Variants in ESR2 observed in about 807,000 individuals in gnomAD.
ESR2 encodes estrogen receptor beta.
ESR2 carries 36 observed loss-of-function variants against 49.6 expected under a neutral mutation model. That is an observed-to-expected ratio of 0.73 (90% CI 0.56 to 0.96). The LOEUF (loss-of-function observed/expected upper bound fraction) is 0.96. Ranked by LOEUF, ESR2 falls within the 40% of genes least tolerant of loss-of-function variation. The probability of loss-of-function intolerance (pLI) is 0.00; values close to 1 mark genes in which losing one functional copy is unlikely to be tolerated. For missense variants in ESR2, 714 were observed against 693.0 expected, an observed-to-expected ratio of 1.03 and a Z score of -0.34; for synonymous variants, 320 against 266.1, an observed-to-expected ratio of 1.20 and a Z score of -1.97.
At chr14:64,273,999 G>C (rs2076503587) in intron 3 of ESR2, among the ~76,000 whole-genome samples, 1 of 150,372 alleles carries the variant, frequency 6.7e-6, no homozygotes, top group East Asian at 1.9e-4. Context: ...GAATGCAGTG[G>C]TGCAATCTTG....
At chr14:64,317,640 A>G (rs1042069483) in intron 1 of ESR2, among the ~76,000 whole-genome samples, 1 of 152,352 alleles carries the variant, frequency 6.6e-6, no homozygotes, top group Admixed American at 6.5e-5. Context: ...TTTCACCATG[A>G]GAATTGGGTA....
chr14:64,227,975 A>ATCTATCCAAATAATCGATGCACTGGATAC, downstream of ESR2: 5 of 1,579,612 alleles, frequency 3.2e-6, no homozygotes, highest in South Asian at 5.8e-5. Context: ...ATTACAGAAA[A>ATCTATCCAAATAATCGATGCACTGGATAC]TCTATCCAAA....
At chr14:64,318,087 T>C (rs2077279384) in intron 1 of ESR2, among the ~76,000 whole-genome samples, 1 of 152,192 alleles carries the variant, frequency 6.6e-6, no homozygotes, top group African/African-American at 2.4e-5. Context: ...CATGATTCTC[T>C]ATGTAGAGAA....
rs2098725334 is a variant in ESR2, at chr14:64,229,586, C to G, written c.*3551G>C. On this transcript the variant is annotated 3_prime_UTR_variant, in exon 9 of 9. Transcript: ENST00000341099. ...CATGTCAGGTTGCACCTGATAGATT[C>G]TGCAGTTTTAAAATATTTTTCTTTA... Among the ~76,000 whole-genome samples the G allele has an allele frequency of 6.6e-6, 1 of 152,146 alleles. No individual in the cohort carries two copies. Among genetic ancestry groups the G allele is most frequent in the Non-Finnish European group, 1.5e-5 (1 of 68,024 alleles).
chr14:64,285,201 C>T (rs1013471999), intron 1 of ESR2, among the ~76,000 whole-genome samples: 1 of 152,134 alleles, frequency 6.6e-6, no homozygotes, highest in East Asian at 1.9e-4. Flanking sequence ...TACTGCTCCT[C>T]GTCCCCAGTT....
At chr14:64,306,543 G>T (rs1472784779) in intron 1 of ESR2, among the ~76,000 whole-genome samples, 1 of 152,126 alleles carries the variant, frequency 6.6e-6, no homozygotes, top group Non-Finnish European at 1.5e-5. Context: ...GATCTGTTGG[G>T]GTAATCATAT....
rs116557381 is a variant in ESR2 at position 64,229,894 on chromosome 14, C to T, written c.*3243G>A. Among the ~76,000 whole-genome samples the T allele has an allele frequency of 4.9e-3, 751 of 152,114 alleles. 6 individuals carry two copies. The highest frequency in any genetic ancestry group is 0.017 in the African/African-American group (712 of 41,474). ...TTCAGCAACTTAAAAAAAAATGTGG[C>T]GGGGCTGGGCACAGTGGCTCATGCC... On this transcript the variant is annotated 3_prime_UTR_variant, in exon 9 of 9. Transcript: ENST00000341099.
chr14:64,276,458 A>G (rs958894598), intron 3 of ESR2, among the ~76,000 whole-genome samples: 1 of 152,204 alleles, frequency 6.6e-6, no homozygotes, highest in African/African-American at 2.4e-5. Flanking sequence ...TCTTTTTGAT[A>G]AGAGTCAATG....
At chr14:64,271,004 T>G (rs957716438) in intron 3 of ESR2, among the ~76,000 whole-genome samples, 12 of 152,240 alleles carry the variant, frequency 7.9e-5, no homozygotes, top group African/African-American at 2.9e-4. Flanking sequence ...CTAAGGCTCC[T>G]TTTCTTCTAT....
intron 1 of ESR2, among the ~76,000 whole-genome samples, chr14:64,318,928 C>T (rs1264497090): frequency 2.0e-5 from 3 of 152,006 alleles, no homozygotes; most frequent in Non-Finnish European, 2.9e-5. Context: ...GTAATCCCAG[C>T]TACTAGGGAG....
chr14:64,240,960 C>T (rs993807036), intron 7 of ESR2, among the ~76,000 whole-genome samples: 2 of 151,392 alleles, frequency 1.3e-5, no homozygotes, highest in East Asian at 1.9e-4. Context: ...CTGGCTAACA[C>T]GGTGAAACCC....
chr14:64,258,702 A>T (rs2076153649), intron 5 of ESR2, among the ~76,000 whole-genome samples: 1 of 152,214 alleles, frequency 6.6e-6, no homozygotes, highest in African/African-American at 2.4e-5. Context: ...AAAGATGGAT[A>T]AATACTTTCT....
chr14:64,282,891 A>G lies in ESR2; in HGVS notation c.95T>C (p.Ile32Thr), dbSNP rs767669644. 1 of 1,614,230 alleles carries G rather than the reference A, an allele frequency of 6.2e-7. No homozygotes were observed. The highest frequency in any genetic ancestry group is 8.5e-7 in the Non-Finnish European group (1 of 1,180,014). Residue 32 changes from isoleucine (I) to threonine (T), a missense_variant, in exon 2 of 9, where the codon ATA becomes ACA. Coordinates refer to ENST00000341099, the MANE Select transcript of ESR2 (RefSeq NM_001437.3). ...GTGGCTGTCTACATAGGAGGAAGGT[A>G]TGTATATGGAGCCGTGCTCCAGGGG... ...ILPLEHGSIY[I>T]PSSYVDSHHE...
At chr14:64,243,994 G>A (rs1048385855) in intron 7 of ESR2, among the ~76,000 whole-genome samples, 11 of 152,140 alleles carry the variant, frequency 7.2e-5, no homozygotes, top group Non-Finnish European at 1.2e-4. Flanking sequence ...CCTTTGTGAT[G>A]GTTAGTCTTA....
At chr14:64,332,754 C>G (rs545004500) in intron 1 of ESR2, among the ~76,000 whole-genome samples, 2 of 145,354 alleles carry the variant, frequency 1.4e-5, no homozygotes, top group African/African-American at 5.1e-5. Flanking sequence ...GAGCGGAGAT[C>G]GCACCACTGC....
intron 3 of ESR2, among the ~76,000 whole-genome samples, chr14:64,274,515 C>A (rs1279390158): frequency 6.6e-6 from 1 of 151,898 alleles, no homozygotes; most frequent in African/African-American, 2.4e-5. Flanking sequence ...ATTAGTCTGG[C>A]TAAAGATCTG....
downstream of ESR2, chr14:64,227,916 G>C: frequency 6.3e-7 from 1 of 1,597,528 alleles, no homozygotes; most frequent in Non-Finnish European, 8.5e-7. Flanking sequence ...TGAATGAATT[G>C]CTTTTCTCCC....
intron 1 of ESR2, among the ~76,000 whole-genome samples, chr14:64,331,569 G>GT (rs2077458981): frequency 6.6e-6 from 1 of 152,160 alleles, no homozygotes; most frequent in Non-Finnish European, 1.5e-5. Flanking sequence ...GCTCACGCTG[G>GT]TAATCCCAGC....
chr14:64,338,022 C>G (rs1005484505), exon 1 of ESR2: 2 of 154,022 alleles, frequency 1.3e-5, no homozygotes, highest in African/African-American at 4.8e-5. Flanking sequence ...GCCGCCCTGT[C>G]AGGCTTCCCA....
Sources: allele counts gnomAD v4.1 joint callset (sites outside exome capture counted in the v4.1 genomes callset), GRCh38; gene constraint gnomAD v4.1.1; transcripts MANE v1.5; gene names NCBI Gene and HGNC (gene_info 2026-07-23, HGNC 2026-07-21).